Variants in TRMO observed in about 807,000 individuals in gnomAD.
TRMO encodes the protein tRNA methyltransferase O.
Under a neutral mutation model 37.2 loss-of-function variants are expected in TRMO, and 30 were observed. That is an observed-to-expected ratio of 0.81 (90% CI 0.60 to 1.09). The LOEUF is 1.09. Ranked by LOEUF, TRMO falls within the 50% of genes least tolerant of loss-of-function variation. The pLI is 0.00. For synonymous variants in TRMO, 239 were observed against 199.4 expected (o/e 1.20, Z -1.67); for missense variants, 552 against 549.5 (o/e 1.00, Z -0.05).
intron 4 of TRMO, among the ~76,000 whole-genome samples, chr9:97,908,214 C>T (rs868701405): frequency 6.6e-6 from 1 of 152,084 alleles, no homozygotes; most frequent in Non-Finnish European, 1.5e-5. Flanking sequence ...AGATCGAGAC[C>T]ATCCTGCCTA....
the TRMO span, among the ~76,000 whole-genome samples, chr9:97,898,039 T>A: frequency 6.6e-6 from 1 of 152,162 alleles, no homozygotes; most frequent in African/African-American, 2.4e-5. Context: ...TCCTACACTT[T>A]TTGTCAACAC....
chr9:97,910,560 T>C lies in TRMO; in HGVS notation c.466A>G (p.Ile156Val), dbSNP rs756096445. ...TCATACTCAGCTATGTAGGGCTTGA[T>C]GTCTAGTACGGGTGTGCCATGTATC... ...DMIHGTPVLD[I>V]KPYIAEYDSP... Residue 156 changes from isoleucine (I) to valine (V), a missense_variant, in exon 4 of 5, where the codon ATC becomes GTC. By Grantham distance (29) the Ile-to-Val change is conservative. Coordinates refer to ENST00000375119, the MANE Select transcript of TRMO (RefSeq NM_016481.5). 18 of 1,614,160 alleles carry C rather than the reference T, an allele frequency of 1.1e-5. No homozygotes were observed. Among genetic ancestry groups the C allele is most frequent in the Non-Finnish European group, 1.4e-5 (17 of 1,179,980 alleles).
chr9:97,906,574 T>C (rs1232609625), intron 4 of TRMO, among the ~76,000 whole-genome samples: 1 of 152,212 alleles, frequency 6.6e-6, no homozygotes, highest in East Asian at 1.9e-4. Context: ...TTGCTATCAA[T>C]CAGTTCCTGT....
In TRMO at chr9:97,904,704, T is replaced by TGTG; in HGVS notation, c.*28_*29insCAC. On this transcript the variant is annotated 3_prime_UTR_variant, in exon 5 of 5. Transcript: ENST00000375119. ...AAAAGCCACATCCAAAGATCAATGA[T>TGTG]GCTACCTTAAAGACATGAGGGAGGC... 6.2e-7 allele frequency: 1 copy of TGTG among 1,606,152 alleles called. No individual in the cohort carries two copies. Among genetic ancestry groups the TGTG allele is most frequent in the Non-Finnish European group, 8.5e-7 (1 of 1,175,938 alleles).
intron 4 of TRMO, among the ~76,000 whole-genome samples, chr9:97,908,010 T>C (rs949982029): frequency 6.6e-6 from 1 of 152,172 alleles, no homozygotes; most frequent in East Asian, 1.9e-4. Context: ...CTAGGTGCAG[T>C]GGCTCACACC....
chr9:97,914,386 A>G (rs532742525), intron 2 of TRMO, among the ~76,000 whole-genome samples: 4 of 152,362 alleles, frequency 2.6e-5, no homozygotes, highest in African/African-American at 9.6e-5. Context: ...TAAAAAACTG[A>G]TAACATATTG....
downstream of TRMO, among the ~76,000 whole-genome samples, chr9:97,903,875 C>T (rs1444267787): frequency 2.0e-5 from 3 of 152,034 alleles, no homozygotes; most frequent in South Asian, 2.1e-4. Context: ...GGGTGGATCA[C>T]GAGGTCAGGA....
intron 2 of TRMO, among the ~76,000 whole-genome samples, chr9:97,915,500 G>A (rs140747635): frequency 2.6e-5 from 4 of 152,316 alleles, no homozygotes; most frequent in South Asian, 2.1e-4. Flanking sequence ...CCCTGGTCTA[G>A]AGGGTAGAAT....
At chr9:97,922,321 G>A (rs915273506) in intron 1 of TRMO, 97 bp downstream of exon 1, 10 of 810,582 alleles carry the variant, frequency 1.2e-5, no homozygotes, top group Admixed American at 4.5e-5. Context: ...ACGCACGTCA[G>A]TTCCAGATCG....
At chr9:97,898,920 A>C in the TRMO span, among the ~76,000 whole-genome samples, 4 of 137,436 alleles carry the variant, frequency 2.9e-5, no homozygotes, top group African/African-American at 8.6e-5. Flanking sequence ...GCTCACTGCA[A>C]GCTCCGCCTC....
chr9:97,898,697 A>AT, the TRMO span, among the ~76,000 whole-genome samples: 1 of 151,758 alleles, frequency 6.6e-6, no homozygotes, highest in Non-Finnish European at 1.5e-5. Context: ...CAGGAAACTT[A>AT]TTTTTTACAA....
At chr9:97,919,305 T>G (rs900510848) in intron 1 of TRMO, among the ~76,000 whole-genome samples, 1 of 151,840 alleles carries the variant, frequency 6.6e-6, no homozygotes. Context: ...AAGAAACATT[T>G]TCTGGCTGAT....
downstream of TRMO, among the ~76,000 whole-genome samples, chr9:97,899,769 C>T (rs7038480): frequency 0.35 from 53,116 of 151,612 alleles, 10,618 homozygotes; most frequent in East Asian, 0.67. Flanking sequence ...GTGGCGTGCG[C>T]CTGTAGCCCC....
chr9:97,914,769 A>C (rs920080491), intron 2 of TRMO, among the ~76,000 whole-genome samples: 1 of 152,220 alleles, frequency 6.6e-6, no homozygotes, highest in South Asian at 2.1e-4. Context: ...TAAAAAAAGC[A>C]AATACCCACT....
At chr9:97,901,418 C>A (rs3824495), downstream of TRMO, among the ~76,000 whole-genome samples, 110,323 of 152,154 alleles carry the variant, frequency 0.73, 41,370 homozygotes, top group East Asian at 0.92. Context: ...TAATAAAGGA[C>A]CAAATGTGAT....
intron 4 of TRMO, 44 bp from the exon 5 acceptor site, chr9:97,905,036 T>G: frequency 6.3e-7 from 1 of 1,589,012 alleles, no homozygotes; most frequent in Non-Finnish European, 8.6e-7. Flanking sequence ...ATCATGCAGG[T>G]TGAATTTAAT....
intron 1 of TRMO, among the ~76,000 whole-genome samples, chr9:97,918,238 ATAAT>A (rs1342178526): frequency 1.3e-5 from 2 of 151,048 alleles, no homozygotes; most frequent in Non-Finnish European, 3.0e-5. Context: ...AAAAAAAAAA[ATAAT>A]TAGCCAGGCA....
chr9:97,919,575 G>T (rs1026541960), intron 1 of TRMO, among the ~76,000 whole-genome samples: 2 of 152,174 alleles, frequency 1.3e-5, no homozygotes, highest in South Asian at 2.1e-4. Flanking sequence ...TAGTTGAGGA[G>T]ACTATCACAC....
chr9:97,919,150 T>A (rs866503517), intron 1 of TRMO, among the ~76,000 whole-genome samples: 7 of 152,174 alleles, frequency 4.6e-5, no homozygotes, highest in Non-Finnish European at 1.5e-5. Flanking sequence ...TCCATGCTTC[T>A]ATGGAACAGA....
Sources: gnomAD v4.1 joint callset for allele counts (sites outside exome capture counted in the v4.1 genomes callset) on GRCh38, gnomAD v4.1.1 for gene constraint, MANE v1.5 for transcripts, NCBI Gene and HGNC (gene_info 2026-07-23, HGNC 2026-07-21) for gene names.